Variants in MICU1 observed in about 807,000 individuals in gnomAD.
The protein encoded by MICU1 is calcium uptake protein 1, mitochondrial.
In MICU1, 45 loss-of-function variants were observed where a neutral mutation model predicts 56.8. The ratio of observed to expected loss-of-function variants is 0.79; its 90% confidence interval spans 0.62 to 1.02. MICU1 has a LOEUF of 1.02. Ranked by LOEUF, MICU1 falls within the 50% of genes least tolerant of loss-of-function variation. The pLI is 0.00. For missense variants in MICU1, 504 were observed against 587.1 expected, an observed-to-expected ratio of 0.86 and a Z score of 1.46; for synonymous variants, 186 against 195.1, an observed-to-expected ratio of 0.95 and a Z score of 0.39.
intron 6 of MICU1, among the ~76,000 whole-genome samples, chr10:72,507,177 T>C (rs2132345452): frequency 6.6e-6 from 1 of 150,716 alleles, no homozygotes; most frequent in Middle Eastern, 3.4e-3. Flanking sequence ...AAAAAAAAAA[T>C]TGCAAATCAC....
In MICU1 at chr10:72,375,850, C is replaced by T. The variant is rs371651807; in HGVS notation, c.1203G>A (p.Arg401=). ...LDKVTMQQVA[R]TVAKVELSDH... ...CTGAGAGCTCCACTTTAGCCACTGT[C>T]CTGGCCACCTGCTGCATGGTCACTG... is the stretch of plus-strand genomic sequence containing the variant. The change falls in exon 11 of 12, where the codon AGG becomes AGA. Residue 401 remains arginine, a synonymous_variant. Coordinates refer to ENST00000361114, the MANE Select transcript of MICU1 (RefSeq NM_001195518.2). 4.3e-6 allele frequency: 7 copies of T among 1,613,440 alleles called. No individual in the cohort carries two copies. The highest frequency in any genetic ancestry group is 5.9e-6 in the Non-Finnish European group (7 of 1,179,718).
intron 8 of MICU1, among the ~76,000 whole-genome samples, chr10:72,435,430 T>C (rs1864679815): frequency 6.8e-6 from 1 of 145,990 alleles, no homozygotes; most frequent in Non-Finnish European, 1.5e-5. Context: ...CGTTCCAAGA[T>C]GGCTGAATAG....
chr10:72,603,078 C>T (rs762338217), intron 1 of MICU1, among the ~76,000 whole-genome samples: 11 of 151,810 alleles, frequency 7.2e-5, no homozygotes, highest in Non-Finnish European at 8.8e-5. Context: ...TGCAGTGAGC[C>T]GAGATCATGC....
chr10:72,507,249 A>G (rs868022840), intron 6 of MICU1, among the ~76,000 whole-genome samples: 3 of 152,134 alleles, frequency 2.0e-5, no homozygotes, highest in Non-Finnish European at 2.9e-5. Context: ...TAGACTACAC[A>G]TGGAGAGCTA....
At chr10:72,427,378 G>A (rs1589208626) in intron 8 of MICU1, among the ~76,000 whole-genome samples, 2 of 152,144 alleles carry the variant, frequency 1.3e-5, no homozygotes, top group Admixed American at 6.6e-5. Context: ...GAGAAGCCAG[G>A]AAAGGAAGAA....
At chr10:72,496,317 TC>T (rs1425734551) in intron 6 of MICU1, among the ~76,000 whole-genome samples, 1 of 146,732 alleles carries the variant, frequency 6.8e-6, no homozygotes, top group East Asian at 2.0e-4. Flanking sequence ...TTTTTTTTTT[TC>T]CGAGACAGAG....
chr10:72,570,850 T>G (rs972072440), intron 1 of MICU1, among the ~76,000 whole-genome samples: 2 of 152,026 alleles, frequency 1.3e-5, no homozygotes, highest in African/African-American at 2.4e-5. Context: ...ATTTTCTTCC[T>G]GTCTGGCAAC....
At position 72,424,063 on chromosome 10, in the gene MICU1, C is replaced by T. The variant is rs1344067135; in HGVS notation, c.934-692G>A. On this transcript the variant is annotated intron_variant, in intron 8 of 11. Coordinates refer to ENST00000361114, the MANE Select transcript of MICU1 (RefSeq NM_001195518.2). The stretch of plus-strand genomic sequence containing the variant: ...CTGTGTCAATGAGCAAAACATAGAA[C>T]TGTATTTTAATACAATTACTTTTGT... 2.6e-5 allele frequency among the ~76,000 whole-genome samples: 4 copies of T among 152,036 alleles called. No homozygotes were observed. In the East Asian group the frequency reaches 7.7e-4, roughly 29 times the overall value.
At chr10:72,424,188 C>T (rs1864273118) in intron 8 of MICU1, among the ~76,000 whole-genome samples, 1 of 150,572 alleles carries the variant, frequency 6.6e-6, no homozygotes, top group South Asian at 2.1e-4. Context: ...TCTTGGTTTA[C>T]TGCAACCTCT....
At chr10:72,431,095 T>TCTATCTAC (rs1161994421) in intron 8 of MICU1, among the ~76,000 whole-genome samples, 1 of 9,836 alleles carries the variant, frequency 1.0e-4, no homozygotes, top group Non-Finnish European at 3.8e-4. Context: ...TATCTGTCTG[T>TCTATCTAC]CTATCTATCT....
Position 72,488,758 on chromosome 10 carries a change from T to A in MICU1, c.653-11502A>T, listed in dbSNP as rs74148011. On this transcript the variant is annotated intron_variant, in intron 6 of 11. Transcript: ENST00000361114. ...CTCCTCTTCCCTCTTGGCCTATAGTTTCTATTGACAAAATGAAATGTTTTT... is the reference window on the plus strand; with the variant it reads ...CTCCTCTTCCCTCTTGGCCTATAGTATCTATTGACAAAATGAAATGTTTTT... 4.3e-3 allele frequency among the ~76,000 whole-genome samples: 653 copies of A among 152,294 alleles called. 2 individuals carry two copies. Among genetic ancestry groups the A allele is most frequent in the African/African-American group, 0.015 (625 of 41,570 alleles).
At chr10:72,557,802 C>CT (rs1234370308) in intron 3 of MICU1, among the ~76,000 whole-genome samples, 1 of 152,092 alleles carries the variant, frequency 6.6e-6, no homozygotes, top group Non-Finnish European at 1.5e-5. Flanking sequence ...ACAGAAAATG[C>CT]TCAATAGTTT....
intron 4 of MICU1, among the ~76,000 whole-genome samples, chr10:72,544,472 C>T (rs1219825733): frequency 6.6e-6 from 1 of 152,112 alleles, no homozygotes; most frequent in Admixed American, 6.6e-5. Flanking sequence ...GATGAAATCA[C>T]ATCAAGATAA....
At chr10:72,479,966 G>A (rs190548945) in intron 6 of MICU1, among the ~76,000 whole-genome samples, 12 of 152,326 alleles carry the variant, frequency 7.9e-5, no homozygotes, top group Non-Finnish European at 1.6e-4. Context: ...ACTTGAGAAT[G>A]TAACAATGGC....
intron 1 of MICU1, among the ~76,000 whole-genome samples, chr10:72,595,440 T>C (rs1194400690): frequency 2.6e-5 from 3 of 116,138 alleles, no homozygotes; most frequent in African/African-American, 1.0e-4. Context: ...TGACAGAGAC[T>C]CTGTCTCAAA....
At chr10:72,552,846 G>C (rs762197587) in intron 3 of MICU1, among the ~76,000 whole-genome samples, 1 of 152,198 alleles carries the variant, frequency 6.6e-6, no homozygotes, top group Non-Finnish European at 1.5e-5. Context: ...GAGCCACCAC[G>C]CCCAGCCTTT....
intron 10 of MICU1, among the ~76,000 whole-genome samples, chr10:72,400,434 T>C (rs1863413430): frequency 6.6e-6 from 1 of 152,160 alleles, no homozygotes; most frequent in African/African-American, 2.4e-5. Flanking sequence ...GAGGAACTTA[T>C]TAATTTTGTT....
chr10:72,445,894 G>C (rs1404895446), intron 8 of MICU1, among the ~76,000 whole-genome samples: 1 of 152,114 alleles, frequency 6.6e-6, no homozygotes, highest in Non-Finnish European at 1.5e-5. Context: ...AGTTTTAGGA[G>C]ATAAGAACTA....
intron 9 of MICU1, among the ~76,000 whole-genome samples, chr10:72,417,900 G>A (rs953514088): frequency 5.3e-5 from 8 of 152,168 alleles, no homozygotes; most frequent in Non-Finnish European, 1.0e-4. Context: ...ACATACCTGA[G>A]ACCAGGTAAT....
Sources: allele counts gnomAD v4.1 joint callset (sites outside exome capture counted in the v4.1 genomes callset), GRCh38; gene constraint gnomAD v4.1.1; transcripts MANE v1.5; gene names NCBI Gene and HGNC (gene_info 2026-07-23, HGNC 2026-07-21).